The following MAP4K4 variants were observed in gnomAD, a reference collection of about 807,000 sequenced individuals.
MAP4K4 encodes the protein mitogen-activated protein kinase kinase kinase kinase 4.
MAP4K4 carries 38 observed loss-of-function variants against 189.6 expected under a neutral mutation model. That is an observed-to-expected ratio of 0.20 (90% CI 0.15 to 0.26). MAP4K4 has a LOEUF of 0.26. Ranked by LOEUF, MAP4K4 falls within the 10% of genes least tolerant of loss-of-function variation. The pLI is 1.00. For missense variants in MAP4K4, 1,054 were observed against 1,726.9 expected (o/e 0.61, Z 6.91); for synonymous variants, 610 against 624.3 (o/e 0.98, Z 0.34).
chr2:101,790,743 G>C (rs2092728606), exon 3 of MAP4K4: 1 of 1,610,808 alleles, frequency 6.2e-7, no homozygotes, highest in Non-Finnish European at 8.5e-7. Context: ...AAACGGGTCA[G>C]TTGGCAGCCA....
intron 2 of MAP4K4, among the ~76,000 whole-genome samples, chr2:101,779,427 T>C (rs1575419694): frequency 6.6e-6 from 1 of 152,352 alleles, no homozygotes; most frequent in East Asian, 1.9e-4. Context: ...TTATTCATGG[T>C]CTTTCATTGT....
intron 2 of MAP4K4, among the ~76,000 whole-genome samples, chr2:101,785,620 ATAG>A (rs886256632): frequency 3.3e-5 from 5 of 151,988 alleles, no homozygotes; most frequent in Non-Finnish European, 7.3e-5. Context: ...GCCTTTAGTG[ATAG>A]TAGAACATTT....
At chr2:101,805,401 G>T (rs2149053079) in intron 3 of MAP4K4, among the ~76,000 whole-genome samples, 1 of 152,290 alleles carries the variant, frequency 6.6e-6, no homozygotes, top group Non-Finnish European at 1.5e-5. Flanking sequence ...TTAGCATTAT[G>T]TTTGTGAGGT....
At position 101,769,084 on chromosome 2, in the gene MAP4K4, A is replaced by G. The variant is rs367942304; in HGVS notation, c.124-21636A>G. ...TGCTTTTGCCAAAATCTTGTGCAAG[A>G]TGTTTGTTATATGTTTGTTTGTTTG... is the stretch of plus-strand genomic sequence containing the variant. On this transcript the variant is annotated intron_variant, in intron 2 of 32. Transcript: ENST00000324219. 2.4e-4 allele frequency among the ~76,000 whole-genome samples: 37 copies of G among 152,238 alleles called. 1 individual carries two copies. The East Asian group carries it at 3.3e-3, about 13-fold the overall frequency.
At chr2:101,763,415 G>T (rs1216320054) in intron 2 of MAP4K4, among the ~76,000 whole-genome samples, 1 of 152,186 alleles carries the variant, frequency 6.6e-6, no homozygotes, top group Non-Finnish European at 1.5e-5. Flanking sequence ...TTTGGATACA[G>T]TATATACATA....
At chr2:101,708,399 C>T (rs868766185) in intron 2 of MAP4K4, among the ~76,000 whole-genome samples, 5 of 152,106 alleles carry the variant, frequency 3.3e-5, no homozygotes, top group Non-Finnish European at 7.4e-5. Context: ...GTAAGCAGTG[C>T]GTAACCTCTG....
exon 31 of MAP4K4, chr2:101,887,783 G>T (rs1407863249): frequency 1.9e-6 from 3 of 1,608,680 alleles, no homozygotes; most frequent in Admixed American, 1.7e-5. Flanking sequence ...TCTAGATCCA[G>T]TGTAGCATCA....
chr2:101,837,901 ACTTT>A (rs935474311), intron 9 of MAP4K4, among the ~76,000 whole-genome samples: 3 of 152,118 alleles, frequency 2.0e-5, no homozygotes, highest in Non-Finnish European at 2.9e-5. Context: ...CTTACACCAA[ACTTT>A]CTTTAAACTG....
At position 101,724,447 on chromosome 2, in the gene MAP4K4, A is replaced by G. The variant is rs548000080; in HGVS notation, c.123+25909A>G. 2.6e-4 allele frequency among the ~76,000 whole-genome samples: 39 copies of G among 152,330 alleles called. No individual in the cohort carries two copies. In the South Asian group the frequency reaches 4.8e-3, roughly 19 times the overall value. ...GTATGGGCTGTCATTCCTCTTTAAAATGTTGAGTGCTTTCAAAAGGCAGCC... is the reference window on the plus strand; with the variant it reads ...GTATGGGCTGTCATTCCTCTTTAAAGTGTTGAGTGCTTTCAAAAGGCAGCC... On this transcript the variant is annotated intron_variant, in intron 2 of 32. Transcript: ENST00000324219.
At chr2:101,725,249 G>T (rs1408740606) in intron 2 of MAP4K4, among the ~76,000 whole-genome samples, 1 of 152,178 alleles carries the variant, frequency 6.6e-6, no homozygotes, top group Non-Finnish European at 1.5e-5. Flanking sequence ...CAAGGAAGAG[G>T]TGTGGGTAGG....
At chr2:101,756,148 G>A (rs1386355756) in intron 2 of MAP4K4, among the ~76,000 whole-genome samples, 1 of 151,906 alleles carries the variant, frequency 6.6e-6, no homozygotes, top group Non-Finnish European at 1.5e-5. Context: ...GTTTTACTGT[G>A]CTAGCCAGGA....
At chr2:101,796,306 C>T (rs1200884891) in intron 3 of MAP4K4, among the ~76,000 whole-genome samples, 1 of 152,194 alleles carries the variant, frequency 6.6e-6, no homozygotes, top group African/African-American at 2.4e-5. Context: ...TCCCAGATTA[C>T]TGCATCAGAA....
At position 101,884,718 on chromosome 2, in the gene MAP4K4, G is replaced by A. The variant is rs185049704; in HGVS notation, c.3521-469G>A. ...GGACTTGTTCACAGATACTTCTGTT[G>A]GTAGAATTCAGGACTCATGAATATT... On this transcript the variant is annotated intron_variant, in intron 28 of 32. Coordinates refer to ENST00000324219, the Ensembl canonical transcript of MAP4K4. Among the ~76,000 whole-genome samples the A allele has an allele frequency of 3.6e-3, 540 of 151,348 alleles. 2 individuals carry two copies. Among genetic ancestry groups the A allele is most frequent in the African/African-American group, 0.013 (516 of 40,658 alleles).
intron 2 of MAP4K4, among the ~76,000 whole-genome samples, chr2:101,719,568 T>TGTAA (rs779662166): frequency 2.0e-4 from 30 of 152,114 alleles, no homozygotes; most frequent in Non-Finnish European, 3.2e-4. Context: ...AGTGGGCAGG[T>TGTAA]GTAAGTACAA....
chr2:101,708,586 A>C (rs1327242066), intron 2 of MAP4K4, among the ~76,000 whole-genome samples: 5 of 152,178 alleles, frequency 3.3e-5, no homozygotes, highest in African/African-American at 4.8e-5. Flanking sequence ...GAGTTTGTTC[A>C]GCAGTATTTT....
chr2:101,882,931 C>T (rs1438788394), intron 28 of MAP4K4, among the ~76,000 whole-genome samples: 3 of 152,222 alleles, frequency 2.0e-5, no homozygotes, highest in Non-Finnish European at 2.9e-5. Flanking sequence ...ACTCACTCCG[C>T]CCTCAGTCTC....
chr2:101,799,191 T>C (rs778729254), intron 3 of MAP4K4, among the ~76,000 whole-genome samples: 4 of 152,216 alleles, frequency 2.6e-5, no homozygotes, highest in Admixed American at 2.0e-4. Context: ...ATACATACTT[T>C]TAAGCATGAT....
chr2:101,859,918 T>A (rs1298630236), intron 15 of MAP4K4, 54 bp downstream of exon 15: 1 of 1,499,510 alleles, frequency 6.7e-7, no homozygotes, highest in African/African-American at 1.4e-5. Flanking sequence ...GTATAACGAC[T>A]CTTCAGAACT....
At chr2:101,888,088 T>C (rs1477648244) in intron 31 of MAP4K4, 151 bp downstream of exon 31, 2 of 225,354 alleles carry the variant, frequency 8.9e-6, no homozygotes, top group Non-Finnish European at 1.5e-5. Context: ...AGTTAGATTG[T>C]AGGCCGTGGA....
Sources: allele counts gnomAD v4.1 joint callset (sites outside exome capture counted in the v4.1 genomes callset), GRCh38; gene constraint gnomAD v4.1.1; transcripts MANE v1.5; gene names NCBI Gene and HGNC (gene_info 2026-07-23, HGNC 2026-07-21).